PRELID2: variants seen among roughly 807,000 people sequenced by gnomAD.
PRELID2 encodes PRELI domain containing 2.
Under a neutral mutation model 28.4 loss-of-function variants are expected in PRELID2, and 25 were observed. The observed-to-expected ratio is 0.88, with a 90% confidence interval of 0.64 to 1.23. The LOEUF is 1.23. Among genes scored for constraint, PRELID2 ranks in the 50% most tolerant of loss-of-function variants. The pLI, the probability that PRELID2 is intolerant of heterozygous loss-of-function variation, is 0.00. For synonymous variants in PRELID2, 76 were observed against 71.6 expected (o/e 1.06, Z -0.31); for missense variants, 201 against 214.4 (o/e 0.94, Z 0.39).
chr5:145,699,589 C>T (rs1347548518), intron 1 of PRELID2, among the ~76,000 whole-genome samples: 2 of 152,166 alleles, frequency 1.3e-5, no homozygotes, highest in African/African-American at 4.8e-5. Flanking sequence ...AAAACCCTTG[C>T]ACCACAGCCT....
At chr5:145,459,299 A>G in the PRELID2 span, among the ~76,000 whole-genome samples, 1 of 152,086 alleles carries the variant, frequency 6.6e-6, no homozygotes, top group African/African-American at 2.4e-5. Context: ...TTCTTTATCC[A>G]TTTCTCTCTA....
intron 1 of PRELID2, among the ~76,000 whole-genome samples, chr5:145,733,580 T>G (rs1756410316): frequency 6.6e-6 from 1 of 152,210 alleles, no homozygotes; most frequent in Non-Finnish European, 1.5e-5. Context: ...CATTAACATA[T>G]TTCTGAAGCA....
At chr5:145,456,722 G>C in the PRELID2 span, among the ~76,000 whole-genome samples, 3 of 152,144 alleles carry the variant, frequency 2.0e-5, no homozygotes, top group African/African-American at 7.2e-5. Context: ...TAACAACCCT[G>C]TGAAATAGGA....
intron 1 of PRELID2, among the ~76,000 whole-genome samples, chr5:145,567,593 GT>G (rs1208746710): frequency 2.0e-5 from 3 of 152,146 alleles, no homozygotes; most frequent in Non-Finnish European, 4.4e-5. Context: ...GGCCAGGCTA[GT>G]CTCAAACTCC....
At chr5:145,299,409 G>C in the PRELID2 span, among the ~76,000 whole-genome samples, 1 of 151,906 alleles carries the variant, frequency 6.6e-6, no homozygotes, top group South Asian at 2.1e-4. Flanking sequence ...TAATCTATAG[G>C]CTTTCCTTCA....
the PRELID2 span, among the ~76,000 whole-genome samples, chr5:145,372,873 TAA>T: frequency 1.8e-4 from 19 of 105,636 alleles, no homozygotes; most frequent in African/African-American, 5.4e-4. Context: ...TATTAATATA[TAA>T]TATATATGAT....
chr5:145,301,876 C>A, the PRELID2 span, among the ~76,000 whole-genome samples: 2 of 148,214 alleles, frequency 1.3e-5, no homozygotes, highest in African/African-American at 2.5e-5. Context: ...ATTATTGTAG[C>A]TTTTTATTAA....
At chr5:145,257,622 T>C in the PRELID2 span, among the ~76,000 whole-genome samples, 1 of 152,116 alleles carries the variant, frequency 6.6e-6, no homozygotes, top group African/African-American at 2.4e-5. Flanking sequence ...TATAGAATGT[T>C]TGAGAGTAAA....
chr5:145,498,028 C>T (rs1179585800), intron 1 of PRELID2, among the ~76,000 whole-genome samples: 1 of 152,150 alleles, frequency 6.6e-6, no homozygotes, highest in Non-Finnish European at 1.5e-5. Flanking sequence ...GATTCAAAAG[C>T]CTCCCTCTGT....
the PRELID2 span, among the ~76,000 whole-genome samples, chr5:145,440,154 T>C: frequency 3.9e-5 from 6 of 152,158 alleles, no homozygotes; most frequent in Non-Finnish European, 8.8e-5. Flanking sequence ...ACCGTTTAAA[T>C]AAGACCTGGA....
chr5:145,813,722 CTG>C (rs1237208937), intron 4 of PRELID2, among the ~76,000 whole-genome samples: 2 of 151,942 alleles, frequency 1.3e-5, no homozygotes, highest in Admixed American at 6.6e-5. Flanking sequence ...TGTTAGCCTG[CTG>C]TGTCAATGAT....
rs369419126 is a variant in PRELID2 at position 145,613,077 on chromosome 5, T to C, written n.71-139762A>G. Among the ~76,000 whole-genome samples, 4 of 152,202 alleles carry C rather than the reference T, an allele frequency of 2.6e-5. No homozygotes were observed. In the East Asian group the frequency reaches 7.7e-4, roughly 29 times the overall value. On this transcript the variant is annotated intron_variant and non_coding_transcript_variant, in intron 1 of 2. Transcript: ENST00000510259. ...ACACTGTTTTCCCTAACAGCTGTAC[T>C]AGTTGCATTCCCTGATCACTGAAAG... is the stretch of plus-strand genomic sequence containing the variant.
At chr5:145,554,078 C>G (rs944187442) in intron 1 of PRELID2, among the ~76,000 whole-genome samples, 2 of 152,110 alleles carry the variant, frequency 1.3e-5, no homozygotes, top group African/African-American at 4.8e-5. Flanking sequence ...GTCTATATGC[C>G]AAACAAATGA....
At chr5:145,816,886 C>T (rs1754339990) in intron 4 of PRELID2, among the ~76,000 whole-genome samples, 1 of 151,972 alleles carries the variant, frequency 6.6e-6, no homozygotes, top group African/African-American at 2.4e-5. Context: ...CTAGGCCAGG[C>T]ACAGTGGATC....
chr5:145,347,992 G>GA, the PRELID2 span, among the ~76,000 whole-genome samples: 3 of 151,540 alleles, frequency 2.0e-5, no homozygotes, highest in Admixed American at 6.6e-5. Context: ...ATTTTTAGCA[G>GA]AAAAAAAAGA....
At chr5:145,749,791 A>T (rs2149750183) in intron 1 of PRELID2, among the ~76,000 whole-genome samples, 1 of 152,364 alleles carries the variant, frequency 6.6e-6, no homozygotes. Context: ...GCCATAAAAA[A>T]GAATGAGATC....
intron 1 of PRELID2, among the ~76,000 whole-genome samples, chr5:145,671,692 C>T (rs1364992372): frequency 6.6e-6 from 1 of 152,136 alleles, no homozygotes; most frequent in Non-Finnish European, 1.5e-5. Flanking sequence ...CCACTAAAAC[C>T]CACATGGAGT....
At chr5:145,326,956 G>A in the PRELID2 span, among the ~76,000 whole-genome samples, 1 of 152,022 alleles carries the variant, frequency 6.6e-6, no homozygotes, top group Non-Finnish European at 1.5e-5. Context: ...TATGAGTTGG[G>A]TCGTAATCCC....
chr5:145,417,677 C>T, the PRELID2 span, among the ~76,000 whole-genome samples: 1 of 152,108 alleles, frequency 6.6e-6, no homozygotes, highest in Non-Finnish European at 1.5e-5. Flanking sequence ...GCAGAAAAAG[C>T]CTTTGACAAA....
Sources: allele counts gnomAD v4.1 joint callset (sites outside exome capture counted in the v4.1 genomes callset), GRCh38; gene constraint gnomAD v4.1.1; transcripts MANE v1.5; gene names NCBI Gene and HGNC (gene_info 2026-07-23, HGNC 2026-07-21).